ETV6: variants seen among roughly 807,000 people sequenced by gnomAD.
The protein encoded by ETV6 is transcription factor ETV6.
A neutral mutation model predicts 51.1 loss-of-function variants in ETV6; 16 were observed. The observed-to-expected ratio is 0.31, with a 90% CI of 0.21 to 0.48. The LOEUF is 0.48. Among genes scored for constraint, ETV6 ranks in the 20% least tolerant of loss-of-function variants. ETV6 has a pLI of 0.99. For missense variants in ETV6, 458 were observed against 594.8 expected (o/e 0.77, Z 2.39); for synonymous variants, 240 against 224.1 (o/e 1.07, Z -0.64).
At chr12:11,770,664 G>A (rs1399944346) in intron 2 of ETV6, among the ~76,000 whole-genome samples, 1 of 152,328 alleles carries the variant, frequency 6.6e-6, no homozygotes, top group South Asian at 2.1e-4. Context: ...CTAGAAAGGT[G>A]TCAGGGACCC....
At chr12:11,652,679 C>T (rs1863928657) in intron 1 of ETV6, among the ~76,000 whole-genome samples, 1 of 152,142 alleles carries the variant, frequency 6.6e-6, no homozygotes, top group African/African-American at 2.4e-5. Flanking sequence ...AGTTCCTCAG[C>T]GGCTGGTGAG....
intron 1 of ETV6, among the ~76,000 whole-genome samples, chr12:11,678,840 T>G (rs1477736604): frequency 6.6e-6 from 1 of 152,134 alleles, no homozygotes; most frequent in East Asian, 1.9e-4. Context: ...GATGTCCCAA[T>G]GTAAGCTGTG....
At chr12:11,710,879 G>C (rs1489433522) in intron 1 of ETV6, among the ~76,000 whole-genome samples, 1 of 152,100 alleles carries the variant, frequency 6.6e-6, no homozygotes, top group African/African-American at 2.4e-5. Flanking sequence ...CTGCTCTCTG[G>C]TCATGTCAAG....
Position 11,891,474 on chromosome 12 carries a change from T to G in ETV6, c.*428T>G. On this transcript the variant is annotated 3_prime_UTR_variant, in exon 8 of 8. Coordinates refer to ENST00000396373, the MANE Select transcript of ETV6 (RefSeq NM_001987.5). ...TATATATCTATTATATATATATTTTTTGCAAATCTCACAAAGTGCGGCAAG... is the reference window on the plus strand; with the variant it reads ...TATATATCTATTATATATATATTTTGTGCAAATCTCACAAAGTGCGGCAAG... 2.0e-6 allele frequency: 1 copy of G among 490,772 alleles called. No individual in the cohort carries two copies. The highest frequency in any genetic ancestry group is 3.0e-5 in the Admixed American group (1 of 33,252). The allele number at this position is 490,772 out of a possible 1,614,324, so 30.4% of individuals were successfully genotyped here.
At chr12:11,788,122 A>G (rs573545458) in intron 2 of ETV6, among the ~76,000 whole-genome samples, 1 of 152,352 alleles carries the variant, frequency 6.6e-6, no homozygotes, top group East Asian at 1.9e-4. Flanking sequence ...AAGCCTAAGA[A>G]TAAATTGTTT....
intron 4 of ETV6, among the ~76,000 whole-genome samples, chr12:11,868,863 C>T (rs1395843153): frequency 1.3e-5 from 2 of 152,060 alleles, no homozygotes; most frequent in Non-Finnish European, 2.9e-5. Context: ...TTCCTTGTGC[C>T]TACAGGCCAC....
intron 6 of ETV6, among the ~76,000 whole-genome samples, chr12:11,885,425 A>G (rs778251989): frequency 1.3e-5 from 2 of 152,260 alleles, no homozygotes; most frequent in Non-Finnish European, 2.9e-5. Context: ...CCTCGGGCCC[A>G]GAACCACTGT....
chr12:11,811,867 G>A (rs1385625799), intron 2 of ETV6, among the ~76,000 whole-genome samples: 1 of 152,138 alleles, frequency 6.6e-6, no homozygotes, highest in Non-Finnish European at 1.5e-5. Context: ...GAGCTGCCTG[G>A]TCCAAAACCT....
intron 1 of ETV6, among the ~76,000 whole-genome samples, chr12:11,698,382 A>T (rs780802624): frequency 6.6e-6 from 1 of 152,210 alleles, no homozygotes; most frequent in African/African-American, 2.4e-5. Flanking sequence ...GTCATCTGCA[A>T]AGGGTCTCAG....
At chr12:11,714,734 G>A (rs1865242281) in intron 1 of ETV6, among the ~76,000 whole-genome samples, 1 of 150,808 alleles carries the variant, frequency 6.6e-6, no homozygotes, top group African/African-American at 2.4e-5. Context: ...TCTACAGTAA[G>A]TGACTGTTTC....
intron 1 of ETV6, among the ~76,000 whole-genome samples, chr12:11,728,581 T>C (rs943716051): frequency 2.6e-5 from 4 of 152,194 alleles, no homozygotes; most frequent in African/African-American, 9.6e-5. Context: ...GGAAAAATGT[T>C]CTTCCACCAA....
intron 2 of ETV6, among the ~76,000 whole-genome samples, chr12:11,800,186 G>A (rs1407474704): frequency 1.3e-5 from 2 of 152,128 alleles, no homozygotes; most frequent in Admixed American, 6.5e-5. Context: ...CATTTTCTGG[G>A]TCATGGAAAA....
intron 1 of ETV6, among the ~76,000 whole-genome samples, chr12:11,695,044 C>T (rs1423181540): frequency 2.0e-5 from 3 of 152,098 alleles, no homozygotes; most frequent in African/African-American, 7.2e-5. Flanking sequence ...CAAAGGATAC[C>T]GAAGACAGGC....
chr12:11,769,548 A>C (rs574204397), intron 2 of ETV6, among the ~76,000 whole-genome samples: 28 of 152,272 alleles, frequency 1.8e-4, no homozygotes, highest in African/African-American at 6.0e-4. Context: ...TTTCGAGTTC[A>C]TAGTAAGGGG....
At chr12:11,802,070 C>T (rs545387280) in intron 2 of ETV6, among the ~76,000 whole-genome samples, 7 of 152,166 alleles carry the variant, frequency 4.6e-5, no homozygotes, top group Non-Finnish European at 7.3e-5. Context: ...AGGAAATTTC[C>T]TGTGATGGAA....
Position 11,869,338 on chromosome 12 carries a change from T to G in ETV6, c.464-86T>G, listed in dbSNP as rs1311381088. 1 of 1,228,270 alleles carries G rather than the reference T, an allele frequency of 8.1e-7. No individual in the cohort carries two copies. The highest frequency in any genetic ancestry group is 1.1e-6 in the Non-Finnish European group (1 of 869,952). 76.1% of individuals were successfully genotyped at this position (1,228,270 alleles called of 1,614,324 possible). ...TCCTTTACACATACCTACACGCTCC[T>G]CCATTTACCGCCTGTAGAGCCGCAG... On this transcript the variant is annotated intron_variant, in intron 4 of 7. Transcript: ENST00000396373. This position sits in a 1 kb window ranked among gnomAD's most constrained non-coding sequence, Gnocchi z 5.0.
intron 2 of ETV6, among the ~76,000 whole-genome samples, chr12:11,823,713 G>C (rs565790494): frequency 2.0e-5 from 3 of 152,102 alleles, no homozygotes; most frequent in Non-Finnish European, 4.4e-5. Context: ...TGATCCGCCT[G>C]CCTCGGCCTC....
intron 2 of ETV6, among the ~76,000 whole-genome samples, chr12:11,832,614 C>G (rs570235981): frequency 2.0e-5 from 3 of 152,180 alleles, no homozygotes; most frequent in Admixed American, 6.5e-5. Context: ...ATACATGTTA[C>G]GAGTGGAAGA....
chr12:11,802,468 C>G (rs1418111315), intron 2 of ETV6, among the ~76,000 whole-genome samples: 1 of 152,222 alleles, frequency 6.6e-6, no homozygotes, highest in Non-Finnish European at 1.5e-5. Context: ...TGTTATATTA[C>G]TCTCCAGTGT....
Sources: allele counts gnomAD v4.1 joint callset (sites outside exome capture counted in the v4.1 genomes callset), GRCh38; gene constraint gnomAD v4.1.1; non-coding constraint Gnocchi (gnomAD v3.1); transcripts MANE v1.5; gene names NCBI Gene and HGNC (gene_info 2026-07-23, HGNC 2026-07-21).